MAX: variants seen among roughly 807,000 people sequenced by gnomAD.
MAX encodes the protein protein max.
Under a neutral mutation model 22.3 loss-of-function variants are expected in MAX, and 3 were observed. The observed-to-expected ratio is 0.13, with a 90% CI of 0.06 to 0.35. MAX has a LOEUF of 0.35. Ranked by LOEUF, MAX falls within the 10% of genes least tolerant of loss-of-function variation. The pLI is 1.00. For synonymous variants in MAX, 72 were observed against 77.7 expected, an observed-to-expected ratio of 0.93 and a Z score of 0.39; for missense variants, 119 against 209.4, an observed-to-expected ratio of 0.57 and a Z score of 2.66.
chr14:65,083,824 C>T, intron 3 of MAX: 1 of 1,159,674 alleles, frequency 8.6e-7, no homozygotes, highest in Non-Finnish European at 1.1e-6. Context: ...CCTGTGTAAG[C>T]TTTTACACAT....
intron 3 of MAX, among the ~76,000 whole-genome samples, chr14:65,026,141 T>C (rs911480297): frequency 1.3e-5 from 2 of 152,200 alleles, no homozygotes; most frequent in Non-Finnish European, 2.9e-5. Context: ...GAAGGCCCCA[T>C]GAACACTGCA....
intron 3 of MAX, among the ~76,000 whole-genome samples, chr14:65,055,117 G>A (rs907949391): frequency 6.6e-6 from 1 of 152,254 alleles, no homozygotes; most frequent in Non-Finnish European, 1.5e-5. Flanking sequence ...CAGAGAATGA[G>A]ATCCCCAGAA....
At position 65,075,580 on chromosome 14, in the gene MAX, G is replaced by C. The variant is rs2063036978; in HGVS notation, c.*896C>G. ...CATTACTTTATGAATCTGTCGCTTT[G>C]CAAGACCGACATCATCAGAAATAGG... On this transcript the variant is annotated 3_prime_UTR_variant, in exon 5 of 5. Coordinates refer to ENST00000358664, the MANE Select transcript of MAX (RefSeq NM_002382.5). This position sits in a 1 kb window ranked among gnomAD's most constrained non-coding sequence, Gnocchi z 4.1. The C allele has an allele frequency of 1.9e-6, 2 of 1,065,972 alleles. No homozygotes were observed. Among genetic ancestry groups the C allele is most frequent in the Non-Finnish European group, 2.3e-6 (2 of 879,554 alleles). 66.0% of individuals were successfully genotyped at this position (1,065,972 alleles called of 1,614,324 possible).
At chr14:65,015,995 G>T (rs1043648593) in intron 3 of MAX, among the ~76,000 whole-genome samples, 3 of 152,192 alleles carry the variant, frequency 2.0e-5, no homozygotes, top group Admixed American at 1.3e-4. Flanking sequence ...TTTGAGAAAA[G>T]TCTTAATCAT....
chr14:65,071,166 G>A (rs2139720599), downstream of MAX, among the ~76,000 whole-genome samples: 1 of 151,888 alleles, frequency 6.6e-6, no homozygotes, highest in African/African-American at 2.4e-5. The surrounding 1 kb of genome is among the most constrained non-coding windows in gnomAD (Gnocchi z 4.2). Flanking sequence ...TTCTGAGAAG[G>A]AGTCTTGCTG....
chr14:65,101,965 T>C (rs1396052521), intron 1 of MAX, among the ~76,000 whole-genome samples: 1 of 152,062 alleles, frequency 6.6e-6, no homozygotes, highest in African/African-American at 2.4e-5. Flanking sequence ...CCCCTTCCCC[T>C]GGATCCGGAC....
chr14:65,084,630 T>C lies in MAX; in HGVS notation c.172-6594A>G, dbSNP rs1392000523. The stretch of plus-strand genomic sequence containing the variant: ...ATGGCTACATATACAGAGATGTCCA[T>C]ATTATAATTATAAATTTTAAATTTT... On this transcript the variant is annotated intron_variant, in intron 3 of 4. Coordinates refer to ENST00000358664, the MANE Select transcript of MAX (RefSeq NM_002382.5). This position sits in a 1 kb window ranked among gnomAD's most constrained non-coding sequence, Gnocchi z 4.3. Among the ~76,000 whole-genome samples, 1 of 152,136 alleles carries C rather than the reference T, an allele frequency of 6.6e-6. No individual in the cohort carries two copies. The highest frequency in any genetic ancestry group is 1.9e-4 in the East Asian group (1 of 5,202).
In MAX at chr14:65,007,098, C is replaced by T. The variant is rs2061606778; in HGVS notation, c.172-814G>A. Among the ~76,000 whole-genome samples, 1 of 152,244 alleles carries T rather than the reference C, an allele frequency of 6.6e-6. No homozygotes were observed. The highest frequency in any genetic ancestry group is 2.4e-5 in the African/African-American group (1 of 41,532). ...AGGATGCTAATTAATATTGGAGATA[C>T]TATACATTTTGGCTGAATGGCTGAG... On this transcript the variant is annotated intron_variant, in intron 3 of 3. Transcript: ENST00000341653. This position sits in a 1 kb window ranked among gnomAD's most constrained non-coding sequence, Gnocchi z 4.9.
rs562569380 is a variant in MAX, at chr14:65,030,236, C to T, written c.172-23952G>A. Among the ~76,000 whole-genome samples, 1 of 152,324 alleles carries T rather than the reference C, an allele frequency of 6.6e-6. No individual in the cohort carries two copies. The highest frequency in any genetic ancestry group is 2.1e-4 in the South Asian group (1 of 4,820). On this transcript the variant is annotated intron_variant, in intron 3 of 3. Transcript: ENST00000341653. The surrounding 1 kb of genome is among the most constrained non-coding windows in gnomAD (Gnocchi z 4.5). Reference sequence around the variant, plus strand: ...ACAATTGCAAGGAAATTAGACAGATCTTCAAAATTAGCTGCTGGTAGATGA... The same window carrying T: ...ACAATTGCAAGGAAATTAGACAGATTTTCAAAATTAGCTGCTGGTAGATGA...
intron 3 of MAX, among the ~76,000 whole-genome samples, chr14:65,043,284 T>G (rs1871577076): frequency 6.6e-6 from 1 of 152,176 alleles, no homozygotes; most frequent in Non-Finnish European, 1.5e-5. Flanking sequence ...TTTAGAAAAC[T>G]TGTAGATAAG....
intron 3 of MAX, among the ~76,000 whole-genome samples, chr14:65,025,350 A>G (rs1033220463): frequency 1.3e-5 from 2 of 152,188 alleles, no homozygotes; most frequent in Admixed American, 6.5e-5. Context: ...TAAGTTTTGT[A>G]TCAGCTAAAA....
chr14:65,007,494 G>A lies in MAX; in HGVS notation c.172-1210C>T, dbSNP rs2061612477. 6.6e-6 allele frequency among the ~76,000 whole-genome samples: 1 copy of A among 152,222 alleles called. No homozygotes were observed. The highest frequency in any genetic ancestry group is 2.1e-4 in the South Asian group (1 of 4,838). The stretch of plus-strand genomic sequence containing the variant: ...AGGCATTTGCCTATTCAGTGTTCCA[G>A]GGCCAAAGCTGAATAGCAGACTGGG... On this transcript the variant is annotated intron_variant, in intron 3 of 3. Transcript: ENST00000341653. The surrounding 1 kb of genome is among the most constrained non-coding windows in gnomAD (Gnocchi z 4.9).
intron 3 of MAX, among the ~76,000 whole-genome samples, chr14:65,052,751 A>G (rs1471396044): frequency 6.6e-6 from 1 of 152,244 alleles, no homozygotes; most frequent in African/African-American, 2.4e-5. Flanking sequence ...TTGGAGATCA[A>G]TTAAATTTAG....
At chr14:65,081,998 G>T (rs986188400) in intron 3 of MAX, 1 of 152,212 alleles carries the variant, frequency 6.6e-6, no homozygotes, top group Non-Finnish European at 1.5e-5. Context: ...ATGATGATGG[G>T]GGTGGTAACA....
intron 3 of MAX, among the ~76,000 whole-genome samples, chr14:65,053,638 A>G (rs564755696): frequency 5.3e-5 from 8 of 152,142 alleles, no homozygotes; most frequent in Non-Finnish European, 1.2e-4. Flanking sequence ...AAAAAAACAA[A>G]AAAAAACTGA....
chr14:65,094,980 G>A (rs1474591126), intron 2 of MAX, among the ~76,000 whole-genome samples: 1 of 152,168 alleles, frequency 6.6e-6, no homozygotes, highest in Non-Finnish European at 1.5e-5. Flanking sequence ...TCAAAAAATG[G>A]AACAAGAGTA....
At chr14:65,045,819 C>T (rs1211033991) in intron 3 of MAX, among the ~76,000 whole-genome samples, 2 of 152,178 alleles carry the variant, frequency 1.3e-5, no homozygotes, top group Admixed American at 1.3e-4. Context: ...ATTTTCCCGG[C>T]CTGGGCCCAC....
intron 3 of MAX, among the ~76,000 whole-genome samples, chr14:65,067,793 ATTTTTTTT>A (rs59262877): frequency 3.0e-4 from 37 of 123,162 alleles, no homozygotes; most frequent in Admixed American, 4.9e-4. Flanking sequence ...AGCTAATTAC[ATTTTTTTT>A]TTTTTTTTTT....
intron 3 of MAX, among the ~76,000 whole-genome samples, chr14:65,045,403 C>T (rs2062453662): frequency 1.5e-5 from 2 of 136,774 alleles, no homozygotes; most frequent in African/African-American, 5.5e-5. Flanking sequence ...GAGCCCCCCA[C>T]CCCCCGTCTT....
Sources: gnomAD v4.1 joint callset for allele counts (sites outside exome capture counted in the v4.1 genomes callset) on GRCh38, gnomAD v4.1.1 for gene constraint, Gnocchi (gnomAD v3.1) non-coding constraint, MANE v1.5 for transcripts, NCBI Gene and HGNC (gene_info 2026-07-23, HGNC 2026-07-21) for gene names.